DPP10: variants seen among roughly 807,000 people sequenced by gnomAD.
DPP10 encodes the protein inactive dipeptidyl peptidase 10.
A neutral mutation model predicts 120.9 loss-of-function variants in DPP10; 33 were observed. The observed-to-expected ratio is 0.27, with a 90% confidence interval of 0.21 to 0.37. The LOEUF is 0.37. DPP10 is among the 10% of genes least tolerant of loss of function. DPP10 has a pLI of 1.00. For missense variants in DPP10, 816 were observed against 942.8 expected (o/e 0.87, Z 1.76); for synonymous variants, 337 against 326.1 (o/e 1.03, Z -0.36).
At chr2:115,386,279 T>C (rs955092586) in intron 3 of DPP10, among the ~76,000 whole-genome samples, 46 of 152,308 alleles carry the variant, frequency 3.0e-4, no homozygotes, top group African/African-American at 1.1e-3. Context: ...AAATTTTCTT[T>C]ATCTTGTATC....
chr2:114,772,111 T>C (rs1681318238), intron 1 of DPP10, among the ~76,000 whole-genome samples: 1 of 151,582 alleles, frequency 6.6e-6, no homozygotes, highest in Non-Finnish European at 1.5e-5. Context: ...TTTCATAGTA[T>C]AGAGTTCTAA....
chr2:115,375,669 G>T (rs1261704547), intron 3 of DPP10, among the ~76,000 whole-genome samples: 2 of 152,178 alleles, frequency 1.3e-5, no homozygotes, highest in Non-Finnish European at 2.9e-5. Flanking sequence ...AAGAAAAGAG[G>T]TTTAATTGAA....
At chr2:114,518,662 G>A (rs557295971) in intron 1 of DPP10, among the ~76,000 whole-genome samples, 1 of 152,324 alleles carries the variant, frequency 6.6e-6, no homozygotes, top group East Asian at 1.9e-4. Flanking sequence ...CTGGGAGATT[G>A]CTAGAGATGC....
intron 1 of DPP10, among the ~76,000 whole-genome samples, chr2:115,108,930 A>G (rs1023029553): frequency 6.6e-6 from 1 of 152,048 alleles, no homozygotes; most frequent in African/African-American, 2.4e-5. Flanking sequence ...CTGCTGTATC[A>G]GATGTGGCCC....
At chr2:114,458,043 C>A (rs1678676662) in intron 1 of DPP10, among the ~76,000 whole-genome samples, 1 of 152,134 alleles carries the variant, frequency 6.6e-6, no homozygotes, top group Non-Finnish European at 1.5e-5. Context: ...CAGGGTAAAT[C>A]TGAAAATCAA....
intron 2 of DPP10, among the ~76,000 whole-genome samples, chr2:115,329,536 A>G (rs1233210803): frequency 1.3e-5 from 2 of 152,036 alleles, no homozygotes; most frequent in African/African-American, 2.4e-5. Flanking sequence ...TGCTGCACCC[A>G]TTAACTCATC....
intron 5 of DPP10, among the ~76,000 whole-genome samples, chr2:115,610,458 C>T (rs1367188706): frequency 2.1e-5 from 1 of 46,822 alleles, no homozygotes; most frequent in Admixed American, 3.2e-4. Flanking sequence ...TGATATGGGC[C>T]AGCTTGAAGG....
intron 1 of DPP10, among the ~76,000 whole-genome samples, chr2:115,110,658 T>A (rs2049169267): frequency 6.6e-6 from 1 of 152,144 alleles, no homozygotes. Flanking sequence ...ATTAAGACTA[T>A]AAAATTTCTC....
intron 3 of DPP10, among the ~76,000 whole-genome samples, chr2:115,393,093 G>A (rs1023720629): frequency 6.6e-6 from 1 of 151,948 alleles, no homozygotes; most frequent in African/African-American, 2.4e-5. Context: ...TGGGCAGTTC[G>A]CTTGAGGCCA....
At chr2:114,726,003 C>T (rs569014289) in intron 1 of DPP10, among the ~76,000 whole-genome samples, 7 of 151,946 alleles carry the variant, frequency 4.6e-5, no homozygotes, top group Non-Finnish European at 8.8e-5. Flanking sequence ...GAGGCCGAGG[C>T]GGGCAGATCA....
At chr2:114,598,920 C>A (rs973734009) in intron 1 of DPP10, among the ~76,000 whole-genome samples, 6 of 151,830 alleles carry the variant, frequency 4.0e-5, no homozygotes, top group African/African-American at 1.4e-4. Context: ...TGTGGCCTGA[C>A]TTCTCGAAAT....
chr2:114,798,072 T>C (rs1683868334), intron 1 of DPP10, among the ~76,000 whole-genome samples: 1 of 152,170 alleles, frequency 6.6e-6, no homozygotes, highest in Admixed American at 6.5e-5. Context: ...ATTGACAGTC[T>C]ACAAAGTATC....
intron 3 of DPP10, among the ~76,000 whole-genome samples, chr2:115,415,602 C>T (rs1228164612): frequency 6.6e-6 from 1 of 151,986 alleles, no homozygotes; most frequent in African/African-American, 2.4e-5. Context: ...TTGCACTTCT[C>T]TTTACCAAGA....
intron 3 of DPP10, among the ~76,000 whole-genome samples, chr2:115,429,331 A>G (rs1295290129): frequency 2.0e-5 from 3 of 152,136 alleles, no homozygotes; most frequent in African/African-American, 4.8e-5. Flanking sequence ...TCCTTGTGTG[A>G]GAAAGGAGGC....
At chr2:115,331,997 TG>T (rs2062776833) in intron 2 of DPP10, among the ~76,000 whole-genome samples, 1 of 152,186 alleles carries the variant, frequency 6.6e-6, no homozygotes, top group Non-Finnish European at 1.5e-5. Context: ...TCAGAGGGAA[TG>T]GTACCAGCTT....
chr2:114,770,807 G>T (rs550269277), intron 1 of DPP10, among the ~76,000 whole-genome samples: 1 of 152,066 alleles, frequency 6.6e-6, no homozygotes, highest in Admixed American at 6.5e-5. Flanking sequence ...TCATCTGTAG[G>T]TCCCTTCTCT....
intron 1 of DPP10, among the ~76,000 whole-genome samples, chr2:114,458,244 T>A (rs1678688133): frequency 6.6e-6 from 1 of 152,206 alleles, no homozygotes; most frequent in African/African-American, 2.4e-5. Flanking sequence ...TGAATTCTCA[T>A]CCTGATAGCA....
intron 1 of DPP10, among the ~76,000 whole-genome samples, chr2:114,576,554 G>A (rs1044528856): frequency 5.9e-5 from 9 of 152,126 alleles, no homozygotes; most frequent in Admixed American, 6.6e-5. Flanking sequence ...CTTACAGGGG[G>A]ACAAGGGACT....
At chr2:115,740,021 T>A in intron 9 of DPP10, 128 bp downstream of exon 9, 1 of 1,012,780 alleles carries the variant, frequency 9.9e-7, no homozygotes, top group South Asian at 1.5e-5. Context: ...CTTGTCAGAC[T>A]CATCACTTTC....
Sources: gnomAD v4.1 joint callset for allele counts (sites outside exome capture counted in the v4.1 genomes callset) on GRCh38, gnomAD v4.1.1 for gene constraint, MANE v1.5 for transcripts, NCBI Gene and HGNC (gene_info 2026-07-23, HGNC 2026-07-21) for gene names.